NUBPL: variants seen among roughly 807,000 people sequenced by gnomAD.
The protein encoded by NUBPL is NUBP iron-sulfur cluster assembly factor, mitochondrial, also known as iron-sulfur cluster transfer protein NUBPL.
In NUBPL, 31 loss-of-function variants were observed where a neutral mutation model predicts 45.7. The observed-to-expected ratio is 0.68, with a 90% CI of 0.51 to 0.92. The LOEUF (loss-of-function observed/expected upper bound fraction) is 0.92, where lower values mean the gene tolerates loss of function less well. Ranked by LOEUF, NUBPL falls within the 40% of genes least tolerant of loss-of-function variation. NUBPL has a pLI of 0.00. For synonymous variants in NUBPL, 144 were observed against 140.9 expected (o/e 1.02, Z -0.15); for missense variants, 401 against 398.7 (o/e 1.01, Z -0.05).
chr14:31,596,671 G>A (rs1253958322), intron 3 of NUBPL, among the ~76,000 whole-genome samples: 1 of 152,178 alleles, frequency 6.6e-6, no homozygotes, highest in African/African-American at 2.4e-5. Context: ...AGTTTTTGGA[G>A]TTAGATCGTG....
At chr14:31,666,565 G>C (rs1409168459) in intron 4 of NUBPL, among the ~76,000 whole-genome samples, 1 of 151,926 alleles carries the variant, frequency 6.6e-6, no homozygotes, top group Non-Finnish European at 1.5e-5. Context: ...GCCCGGCCAA[G>C]GTTAATATTG....
chr14:31,581,962 A>T (rs1272661768), intron 3 of NUBPL, among the ~76,000 whole-genome samples: 1 of 152,204 alleles, frequency 6.6e-6, no homozygotes, highest in African/African-American at 2.4e-5. Context: ...GTTGGCATTG[A>T]TTTTTAATGT....
At chr14:31,787,662 A>G in intron 6 of NUBPL, 118 bp from the exon 7 acceptor site, 1 of 720,644 alleles carries the variant, frequency 1.4e-6, no homozygotes, top group Non-Finnish European at 2.5e-6. Flanking sequence ...CCTTGTACCT[A>G]GCAATGGCTC....
intron 4 of NUBPL, among the ~76,000 whole-genome samples, chr14:31,608,779 T>G (rs1391339986): frequency 6.6e-6 from 1 of 152,156 alleles, no homozygotes; most frequent in African/African-American, 2.4e-5. Context: ...ACAGTAATGT[T>G]CCCTTGCCTG....
At chr14:31,634,970 T>C (rs1475309274) in intron 4 of NUBPL, among the ~76,000 whole-genome samples, 3 of 150,436 alleles carry the variant, frequency 2.0e-5, no homozygotes, top group Admixed American at 6.6e-5. Flanking sequence ...TTTGAGTTCA[T>C]TGTAGATTCT....
chr14:31,780,493 A>G (rs2039174031), intron 6 of NUBPL, among the ~76,000 whole-genome samples: 1 of 152,204 alleles, frequency 6.6e-6, no homozygotes, highest in Admixed American at 6.5e-5. Context: ...TTCACAAAGG[A>G]TATGTTATCA....
At chr14:31,842,479 T>G (rs1028790317) in intron 8 of NUBPL, among the ~76,000 whole-genome samples, 23 of 151,908 alleles carry the variant, frequency 1.5e-4, no homozygotes, top group Non-Finnish European at 3.2e-4. Context: ...GTTCCAAACT[T>G]TTTTTTTCCT....
chr14:31,600,227 A>G (rs1244913399), intron 4 of NUBPL, among the ~76,000 whole-genome samples: 3 of 151,980 alleles, frequency 2.0e-5, no homozygotes, highest in Admixed American at 1.3e-4. Flanking sequence ...TGGCCCACTA[A>G]TTTTTATTTG....
At chr14:31,640,028 T>C (rs1171028256) in intron 4 of NUBPL, among the ~76,000 whole-genome samples, 1 of 152,208 alleles carries the variant, frequency 6.6e-6, no homozygotes, top group Non-Finnish European at 1.5e-5. Flanking sequence ...CCTGACCCGT[T>C]GTGCTTCCTG....
chr14:31,797,854 A>G (rs1448503449), intron 7 of NUBPL, among the ~76,000 whole-genome samples: 4 of 130,264 alleles, frequency 3.1e-5, no homozygotes, highest in East Asian at 2.2e-4. Flanking sequence ...TTTTGGCATG[A>G]TTTTGCAGCG....
chr14:31,641,955 A>T (rs1036913315), intron 4 of NUBPL, among the ~76,000 whole-genome samples: 1 of 152,154 alleles, frequency 6.6e-6, no homozygotes, highest in Non-Finnish European at 1.5e-5. Flanking sequence ...TTTTAAAAAT[A>T]TACTTGTTGG....
intron 6 of NUBPL, among the ~76,000 whole-genome samples, chr14:31,697,571 A>T (rs2037241187): frequency 6.6e-6 from 1 of 152,226 alleles, no homozygotes; most frequent in Non-Finnish European, 1.5e-5. Flanking sequence ...TGACAAACAA[A>T]AATATGAAAA....
chr14:31,630,693 C>G (rs1595394066), intron 4 of NUBPL, among the ~76,000 whole-genome samples: 1 of 152,238 alleles, frequency 6.6e-6, no homozygotes, highest in African/African-American at 2.4e-5. Flanking sequence ...TCCAGAGCAG[C>G]CTTTAGTGTC....
chr14:31,599,882 T>C (rs1276318401), intron 4 of NUBPL, among the ~76,000 whole-genome samples: 4 of 151,966 alleles, frequency 2.6e-5, no homozygotes, highest in Non-Finnish European at 5.9e-5. Context: ...CATTGTTTAT[T>C]GTGCATTTGT....
intron 3 of NUBPL, among the ~76,000 whole-genome samples, chr14:31,577,457 AGGCTAGAGTGCAGTGGCCTGATCTT>A (rs1231357341): frequency 6.6e-6 from 1 of 152,146 alleles, no homozygotes; most frequent in East Asian, 1.9e-4. Context: ...TCTGTGGCCC[AGGCTAGAGTGCAGTGGCCTGATCTT>A]GGCTCACTGC....
chr14:31,602,329 T>C (rs533797543), intron 4 of NUBPL, among the ~76,000 whole-genome samples: 15 of 150,938 alleles, frequency 9.9e-5, no homozygotes, highest in African/African-American at 2.9e-4. Flanking sequence ...GCATGGCACA[T>C]GTATACATAT....
chr14:31,856,704 CT>C (rs1354931054), intron 10 of NUBPL, among the ~76,000 whole-genome samples: 1 of 152,210 alleles, frequency 6.6e-6, no homozygotes, highest in Non-Finnish European at 1.5e-5. Flanking sequence ...AGTCTGCAAT[CT>C]GGTGGGACAG....
chr14:31,672,985 G>A (rs761587971), intron 4 of NUBPL, among the ~76,000 whole-genome samples: 2 of 152,190 alleles, frequency 1.3e-5, no homozygotes, highest in Non-Finnish European at 2.9e-5. Flanking sequence ...TGTTAGTCAA[G>A]TAGTGCGAAG....
chr14:31,614,777 C>G (rs1436261405), intron 4 of NUBPL, among the ~76,000 whole-genome samples: 5 of 152,138 alleles, frequency 3.3e-5, no homozygotes, highest in African/African-American at 1.2e-4. Context: ...TTTGGTCTTT[C>G]TCTGTGAACT....
Sources: gnomAD v4.1 joint callset for allele counts (sites outside exome capture counted in the v4.1 genomes callset) on GRCh38, gnomAD v4.1.1 for gene constraint, MANE v1.5 for transcripts, NCBI Gene and HGNC (gene_info 2026-07-23, HGNC 2026-07-21) for gene names.